Variants in ACTR1B observed in about 807,000 individuals in gnomAD.
ACTR1B encodes beta-centractin.
Under a neutral mutation model 49.4 loss-of-function variants are expected in ACTR1B, and 34 were observed. That is an observed-to-expected ratio of 0.69 (90% CI 0.52 to 0.92). ACTR1B has a LOEUF of 0.92. Among genes scored for constraint, ACTR1B ranks in the 40% least tolerant of loss-of-function variants. The probability of loss-of-function intolerance (pLI) is 0.00; values close to 1 mark genes in which losing one functional copy is unlikely to be tolerated. For missense variants in ACTR1B, 471 were observed against 522.4 expected, an observed-to-expected ratio of 0.90 and a Z score of 0.96; for synonymous variants, 207 against 207.8, an observed-to-expected ratio of 1.00 and a Z score of 0.03.
rs780760031 is a variant in ACTR1B at position 97,658,345 on chromosome 2, A to G, written c.658-29T>C. 6.2e-7 allele frequency: 1 copy of G among 1,614,030 alleles called. No homozygotes were observed. The highest frequency in any genetic ancestry group is 1.1e-5 in the South Asian group (1 of 91,068). On this transcript the variant is annotated intron_variant, in intron 6 of 10. Transcript: ENST00000289228. The surrounding 1 kb of genome is among the most constrained non-coding windows in gnomAD (Gnocchi z 5.9). ...CGGGGACAGGGACACAGCCCTCAGA[A>G]GGCTGCACCTGGGACACCTGTGCCT...
rs1412679269 is a variant in ACTR1B at position 97,659,479 on chromosome 2, TGGTGG to T, written c.190-7_190-3del. 1 of 1,613,228 alleles carries T rather than the reference TGGTGG, an allele frequency of 6.2e-7. No individual in the cohort carries two copies. The highest frequency in any genetic ancestry group is 1.1e-5 in the South Asian group (1 of 91,070). On this transcript the variant is annotated splice_region_variant and splice_polypyrimidine_tract_variant and intron_variant, in intron 3 of 10. Coordinates refer to ENST00000289228, the MANE Select transcript of ACTR1B (RefSeq NM_005735.4). This position sits in a 1 kb window ranked among gnomAD's most constrained non-coding sequence, Gnocchi z 4.0. ...GATGGTCAGCAGCCCCCGGTGCTCC[TGGTGG>T]GGTGGGAAGGGAGGTGTGGCACCCG...
chr2:97,663,843 G>T lies in ACTR1B; in HGVS notation c.48C>A (p.Asn16Lys). Residue 16 changes from asparagine to lysine, a missense_variant and splice_region_variant, in exon 1 of 11, where the codon AAC becomes AAA. Coordinates refer to ENST00000289228, the MANE Select transcript of ACTR1B (RefSeq NM_005735.4). ...IIANQPVVID[N>K]GSGVIKAGFA... ...CCTCCCCCTGGCTGCCGGGCCTCAC[G>T]TTGTCGATGACCACAGGCTGGTTGG... is the stretch of plus-strand genomic sequence containing the variant. 7.1e-7 allele frequency: 1 copy of T among 1,414,390 alleles called. No individual in the cohort carries two copies. Among genetic ancestry groups the T allele is most frequent in the Non-Finnish European group, 9.4e-7 (1 of 1,069,490 alleles). The allele number at this position is 1,414,390 out of a possible 1,614,324, so 87.6% of individuals were successfully genotyped here.
At position 97,656,583 on chromosome 2, in the gene ACTR1B, C is replaced by A. The variant is rs1674848650; in HGVS notation, c.*275G>T. On this transcript the variant is annotated 3_prime_UTR_variant, in exon 11 of 11. Coordinates refer to ENST00000289228, the MANE Select transcript of ACTR1B (RefSeq NM_005735.4). ...TCGGAGCAGGGAACCACAGGCCTAG[C>A]TGGCCCTGCCAGGGGGATACCCACA... 7 of 414,874 alleles carry A rather than the reference C, an allele frequency of 1.7e-5. No homozygotes were observed. The East Asian group carries it at 3.5e-4, about 21-fold the overall frequency. The allele number at this position is 414,874 out of a possible 1,614,324, so 25.7% of individuals were successfully genotyped here.
In ACTR1B at chr2:97,657,990, G is replaced by A. The variant is rs754195764; in HGVS notation, c.878C>T (p.Thr293Met). The A allele has an allele frequency of 6.8e-6, 11 of 1,614,052 alleles. No homozygotes were observed. The highest frequency in any genetic ancestry group is 1.6e-4 in the Middle Eastern group (1 of 6,084). Residue 293 changes from threonine to methionine, a missense_variant, in exon 8 of 11, where the codon ACG becomes ATG. Thr to Met is a moderately conservative substitution (Grantham distance 81). Transcript: ENST00000289228. ...IHKSDMDLRR[T>M]LFANIVLSGG... ...TGAGAGCACGATGTTGGCGAACAGCGTCCGGCGCAGGTCCATGTCGGACTT... is the reference window on the plus strand; with the variant it reads ...TGAGAGCACGATGTTGGCGAACAGCATCCGGCGCAGGTCCATGTCGGACTT...
Position 97,658,554 on chromosome 2 carries a change from G to A in ACTR1B, c.530C>T (p.Pro177Leu), listed in dbSNP as rs200324035. The A allele has an allele frequency of 2.5e-6, 4 of 1,614,106 alleles. No individual in the cohort carries two copies. The highest frequency in any genetic ancestry group is 3.4e-6 in the Non-Finnish European group (4 of 1,180,022). ...AATGTCCACCCGCATGATGGAGTGA[G>A]GCATGGCAAAGCCCTCATAGATGGG... ...AVPIYEGFAMPHSIMRVDIAG... is the reference protein window; with the variant it reads ...AVPIYEGFAMLHSIMRVDIAG... The change falls in exon 6 of 11, where the codon CCT becomes CTT. Residue 177 changes from proline to leucine, a missense_variant. By Grantham distance (98) the Pro-to-Leu change is moderately conservative (BLOSUM62 -3). Coordinates refer to ENST00000289228, the MANE Select transcript of ACTR1B (RefSeq NM_005735.4). The surrounding 1 kb of genome is among the most constrained non-coding windows in gnomAD (Gnocchi z 5.9).
Position 97,658,662 on chromosome 2 carries a change from C to T in ACTR1B, c.441-19G>A. 1.2e-6 allele frequency: 2 copies of T among 1,612,834 alleles called. No individual in the cohort carries two copies. The highest frequency in any genetic ancestry group is 1.1e-5 in the South Asian group (1 of 91,080). ...TGCGTACCTGTCACCAGGTCAGCATCCCCTCACCTCAGCCACTGAGGCACG... is the reference window on the plus strand; with the variant it reads ...TGCGTACCTGTCACCAGGTCAGCATTCCCTCACCTCAGCCACTGAGGCACG... On this transcript the variant is annotated intron_variant, in intron 5 of 10. Coordinates refer to ENST00000289228, the MANE Select transcript of ACTR1B (RefSeq NM_005735.4). The surrounding 1 kb of genome is among the most constrained non-coding windows in gnomAD (Gnocchi z 5.9).
chr2:97,656,861 G>C lies in ACTR1B; in HGVS notation c.1128C>G (p.Phe376Leu), dbSNP rs1404158983. The C allele has an allele frequency of 2.5e-6, 4 of 1,579,058 alleles. No homozygotes were observed. Among genetic ancestry groups the C allele is most frequent in the African/African-American group, 2.7e-5 (2 of 74,576 alleles). Residue 376 changes from phenylalanine (F) to leucine (L), a missense_variant, in exon 11 of 11, where the codon TTC becomes TTG. By Grantham distance (22) the Phe-to-Leu change is conservative. Coordinates refer to ENST00000289228, the MANE Select transcript of ACTR1B (RefSeq NM_005735.4). ...CATGCCCCGCCCTCCTTGGGCACTAGAAAGTTTTGCGATGAATAGCACGGG... is the reference window on the plus strand; with the variant it reads ...CATGCCCCGCCCTCCTTGGGCACTACAAAGTTTTGCGATGAATAGCACGGG... ...DGSRAIHRKT[F>L]
chr2:97,662,002 C>A (rs1177844276), intron 1 of ACTR1B, 56 bp from the exon 2 acceptor site: 5 of 1,534,930 alleles, frequency 3.3e-6, no homozygotes, highest in Non-Finnish European at 4.4e-6. Flanking sequence ...GAAGCCAGTC[C>A]CCCGCAATGG....
chr2:97,663,887 C>A lies in ACTR1B; in HGVS notation c.4G>T (p.Glu2Ter). The change falls in exon 1 of 11, where the codon GAG (glutamate) becomes TAG (stop). Residue 2 changes from glutamate (E) to a stop codon, truncating the protein, a stop_gained. Coordinates refer to ENST00000289228, the MANE Select transcript of ACTR1B (RefSeq NM_005735.4). LOFTEE classifies it high-confidence loss of function. M[E>*]SYDIIANQPV... is the part of the protein sequence containing the mutation. ...TGGTTGGCGATGATGTCGTAGGACT[C>A]CATGGCCGGGCCGCGCCGGCCCTGC... The A allele has an allele frequency of 1.4e-6, 2 of 1,410,076 alleles. No individual in the cohort carries two copies. Among genetic ancestry groups the A allele is most frequent in the South Asian group, 3.0e-5 (2 of 66,770 alleles). 87.3% of individuals were successfully genotyped at this position (1,410,076 alleles called of 1,614,324 possible).
intron 9 of ACTR1B, 118 bp from the exon 10 acceptor site, chr2:97,657,310 T>TGGC (rs749262355): frequency 6.7e-7 from 1 of 1,503,446 alleles, no homozygotes. Flanking sequence ...AGCTGGGGAG[T>TGGC]GGCAGCAGCA....
chr2:97,663,141 A>G (rs1675069074), intron 1 of ACTR1B, among the ~76,000 whole-genome samples: 1 of 152,182 alleles, frequency 6.6e-6, no homozygotes, highest in Non-Finnish European at 1.5e-5. Context: ...AGGCAGGTGA[A>G]AGCAAGCCGA....
intron 2 of ACTR1B, 44 bp downstream of exon 2, chr2:97,661,838 A>G (rs758676665): frequency 6.5e-7 from 1 of 1,549,976 alleles, no homozygotes; most frequent in Admixed American, 1.9e-5. Flanking sequence ...GTTCTTACAG[A>G]AGGTAAACAA....
chr2:97,657,471 C>A lies in ACTR1B; in HGVS notation c.964G>T (p.Ala322Ser), dbSNP rs1251148226. Reference protein sequence around the residue: ...DRLLSEVKKLAPKDIKIKISA... With the variant: ...DRLLSEVKKLSPKDIKIKISA... The stretch of plus-strand genomic sequence containing the variant: ...ACCTTGATTTTGATATCCTTTGGGG[C>A]AAGCTTCTTCACTTCACTGAGTAAT... Residue 322 changes from alanine to serine, a missense_variant, in exon 9 of 11, where the codon GCC becomes TCC. Transcript: ENST00000289228. The A allele has an allele frequency of 6.2e-7, 1 of 1,614,134 alleles. No individual in the cohort carries two copies. The highest frequency in any genetic ancestry group is 1.3e-5 in the African/African-American group (1 of 74,954).
chr2:97,662,690 T>C (rs1332355208), intron 1 of ACTR1B, among the ~76,000 whole-genome samples: 1 of 152,178 alleles, frequency 6.6e-6, no homozygotes, highest in Non-Finnish European at 1.5e-5. Flanking sequence ...CGCAACCCTC[T>C]GAGTCTGCAG....
At chr2:97,660,118 C>T (rs1414602999) in intron 3 of ACTR1B, among the ~76,000 whole-genome samples, 2 of 152,162 alleles carry the variant, frequency 1.3e-5, no homozygotes, top group East Asian at 3.9e-4. Flanking sequence ...CGCCCCGGCA[C>T]CCGACACAAT....
rs745504508 is a variant in ACTR1B at position 97,658,353 on chromosome 2, C to A, written c.658-37G>T. 1.9e-6 allele frequency: 3 copies of A among 1,613,902 alleles called. No homozygotes were observed. Among genetic ancestry groups the A allele is most frequent in the Non-Finnish European group, 2.5e-6 (3 of 1,179,832 alleles). On this transcript the variant is annotated intron_variant, in intron 6 of 10. Coordinates refer to ENST00000289228, the MANE Select transcript of ACTR1B (RefSeq NM_005735.4). The surrounding 1 kb of genome is among the most constrained non-coding windows in gnomAD (Gnocchi z 5.9). ...GGGACACAGCCCTCAGAAGGCTGCA[C>A]CTGGGACACCTGTGCCTTGGTGCCA... is the stretch of plus-strand genomic sequence containing the variant.
In ACTR1B at chr2:97,657,477, TCTTCA is replaced by T. The variant is rs748411247; in HGVS notation, c.953_957del (p.Val318GlufsTer35). On this transcript the variant is annotated frameshift_variant, in exon 9 of 11. Coordinates refer to ENST00000289228, the MANE Select transcript of ACTR1B (RefSeq NM_005735.4). LOFTEE classifies it high-confidence loss of function. ...ATTTTGATATCCTTTGGGGCAAGCT[TCTTCA>T]CTTCACTGAGTAATCGGTCTCCGAA... The T allele has an allele frequency of 1.3e-5, 21 of 1,614,100 alleles. No homozygotes were observed. Among genetic ancestry groups the T allele is most frequent in the Non-Finnish European group, 1.7e-6 (2 of 1,180,048 alleles).
At chr2:97,662,175 T>G (rs1039326092) in intron 1 of ACTR1B, among the ~76,000 whole-genome samples, 2 of 152,034 alleles carry the variant, frequency 1.3e-5, no homozygotes, top group Admixed American at 6.6e-5. Flanking sequence ...GGACATGCAG[T>G]GGGGGATGCT....
At position 97,659,774 on chromosome 2, in the gene ACTR1B, A is replaced by T; in HGVS notation, c.190-297T>A. On this transcript the variant is annotated intron_variant, in intron 3 of 10. Transcript: ENST00000289228. The surrounding 1 kb of genome is among the most constrained non-coding windows in gnomAD (Gnocchi z 4.0). ...CTTCTTCCCCATTCTCACTGCCGGC[A>T]CATCCCCCACATTCTCCTCACACTC... is the stretch of plus-strand genomic sequence containing the variant. 2.2e-6 allele frequency: 1 copy of T among 464,974 alleles called. No individual in the cohort carries two copies. The highest frequency in any genetic ancestry group is 3.9e-6 in the Non-Finnish European group (1 of 256,426). 28.8% of individuals were successfully genotyped at this position (464,974 alleles called of 1,614,324 possible).
Sources: allele counts gnomAD v4.1 joint callset (sites outside exome capture counted in the v4.1 genomes callset), GRCh38; gene constraint gnomAD v4.1.1; non-coding constraint Gnocchi (gnomAD v3.1); transcripts MANE v1.5; gene names NCBI Gene and HGNC (gene_info 2026-07-23, HGNC 2026-07-21).